Variants in RPTOR observed in about 807,000 individuals in gnomAD.
RPTOR encodes regulatory associated protein of MTOR complex 1.
A neutral mutation model predicts 169.9 loss-of-function variants in RPTOR; 21 were observed. The ratio of observed to expected loss-of-function variants is 0.12; its 90% CI spans 0.09 to 0.18. The LOEUF is 0.18. RPTOR is among the 10% of genes least tolerant of loss of function. RPTOR has a pLI of 1.00. For missense variants in RPTOR, 1,133 were observed against 1,855.9 expected (o/e 0.61, Z 7.16); for synonymous variants, 732 against 753.2 (o/e 0.97, Z 0.46).
At chr17:80,573,755 C>T (rs1288054554) in intron 1 of RPTOR, among the ~76,000 whole-genome samples, 4 of 152,140 alleles carry the variant, frequency 2.6e-5, no homozygotes, top group African/African-American at 7.2e-5. Flanking sequence ...GAGGAGCCAG[C>T]CGTGGTTTCA....
intron 3 of RPTOR, among the ~76,000 whole-genome samples, chr17:80,705,011 C>G (rs1304102209): frequency 6.6e-6 from 1 of 152,242 alleles, no homozygotes; most frequent in Non-Finnish European, 1.5e-5. Flanking sequence ...GCCAGTGATG[C>G]CCACCTATGG....
intron 16 of RPTOR, among the ~76,000 whole-genome samples, chr17:80,884,218 C>A (rs964142320): frequency 6.6e-6 from 1 of 152,174 alleles, no homozygotes; most frequent in Admixed American, 6.5e-5. Flanking sequence ...CCAGAGGGAA[C>A]CTCAGAGGCA....
chr17:80,798,731 A>C (rs990259229), intron 7 of RPTOR, among the ~76,000 whole-genome samples: 3 of 152,222 alleles, frequency 2.0e-5, no homozygotes, highest in Non-Finnish European at 4.4e-5. Flanking sequence ...CCCTCCAGGC[A>C]GCACGTGTGT....
intron 5 of RPTOR, among the ~76,000 whole-genome samples, chr17:80,740,522 A>G (rs2066472765): frequency 6.6e-6 from 1 of 152,248 alleles, no homozygotes; most frequent in Admixed American, 6.5e-5. Context: ...CAAAATCCTC[A>G]AAACAATAAT....
At chr17:80,699,804 C>CGGTAT (rs2066069054) in intron 3 of RPTOR, among the ~76,000 whole-genome samples, 1 of 148,558 alleles carries the variant, frequency 6.7e-6, no homozygotes, top group Non-Finnish European at 1.5e-5. Flanking sequence ...GTGCACGGTA[C>CGGTAT]CCTGGTGCAG....
At chr17:80,583,032 C>T (rs1599574225) in intron 1 of RPTOR, among the ~76,000 whole-genome samples, 1 of 151,586 alleles carries the variant, frequency 6.6e-6, no homozygotes, top group East Asian at 1.9e-4. Flanking sequence ...CCTCTCACTT[C>T]AGCCTCCTGA....
chr17:80,743,728 CAGCCCTGGCTACTAGCAG>C lies in RPTOR; in HGVS notation c.655-10264_655-10247del, dbSNP rs1333544680. On this transcript the variant is annotated intron_variant, in intron 5 of 33. Transcript: ENST00000306801. ...ACTAGCACTGTCCTGGCTACGAGCA[CAGCCCTGGCTACTAGCAG>C]AGCCCTGGCTACTAGCACTCTCCTG... Among the ~76,000 whole-genome samples, 7 of 121,852 alleles carry C rather than the reference CAGCCCTGGCTACTAGCAG, an allele frequency of 5.7e-5. 1 individual carries two copies. Among genetic ancestry groups the C allele is most frequent in the African/African-American group, 1.5e-4 (5 of 34,264 alleles). 79.9% of individuals were successfully genotyped at this position (121,852 alleles called of 152,430 possible). A position where few individuals can be genotyped will look rare whatever the true frequency, so the allele number is the denominator to read the frequency against.
rs921455642 is a variant in RPTOR at position 80,700,754 on chromosome 17, A to G, written c.349-7087A>G. ...GATGATGGTGGTGGTGGTGGTGGTGATGATGGTGATGGTGATGGTAGAGAT... is the reference window on the plus strand; with the variant it reads ...GATGATGGTGGTGGTGGTGGTGGTGGTGATGGTGATGGTGATGGTAGAGAT... On this transcript the variant is annotated intron_variant, in intron 3 of 33. Transcript: ENST00000306801. Among the ~76,000 whole-genome samples, 25 of 22,446 alleles carry G rather than the reference A, an allele frequency of 1.1e-3. 4 individuals carry two copies. In the East Asian group the frequency reaches 0.022, roughly 20 times the overall value. 14.7% of individuals were successfully genotyped at this position (22,446 alleles called of 152,430 possible).
At chr17:80,555,107 G>A (rs2084392752) in intron 1 of RPTOR, among the ~76,000 whole-genome samples, 1 of 152,200 alleles carries the variant, frequency 6.6e-6, no homozygotes, top group Non-Finnish European at 1.5e-5. Flanking sequence ...AGAGTTATTA[G>A]TGTAGTTAGA....
At chr17:80,880,380 C>T (rs752659783) in intron 13 of RPTOR, 35 bp from the exon 14 acceptor site, 6 of 1,587,432 alleles carry the variant, frequency 3.8e-6, no homozygotes, top group African/African-American at 1.3e-5. Flanking sequence ...CGGGACACTG[C>T]ACTCACTGCC....
intron 9 of RPTOR, 53 bp from the exon 10 acceptor site, chr17:80,837,869 C>A: frequency 6.5e-7 from 1 of 1,538,752 alleles, no homozygotes; most frequent in Non-Finnish European, 8.9e-7. Flanking sequence ...GAAGTGGCCT[C>A]GTGTGGAAGC....
intron 6 of RPTOR, among the ~76,000 whole-genome samples, chr17:80,768,126 T>G (rs2066806148): frequency 6.6e-6 from 1 of 152,174 alleles, no homozygotes; most frequent in Non-Finnish European, 1.5e-5. Flanking sequence ...CCTCCCAAAG[T>G]GCTGGGATTA....
At chr17:80,793,899 C>T (rs1021028329) in intron 7 of RPTOR, among the ~76,000 whole-genome samples, 2 of 152,228 alleles carry the variant, frequency 1.3e-5, no homozygotes, top group Admixed American at 6.5e-5. Context: ...CTGCCTGGTT[C>T]GGGCAGGGCT....
At chr17:80,890,406 C>T (rs892939076) in intron 17 of RPTOR, among the ~76,000 whole-genome samples, 5 of 152,178 alleles carry the variant, frequency 3.3e-5, no homozygotes, top group African/African-American at 9.7e-5. Context: ...GGGAAGGCAG[C>T]GGGGGTTCTG....
chr17:80,901,025 T>C (rs2143906799), intron 20 of RPTOR, among the ~76,000 whole-genome samples: 1 of 152,364 alleles, frequency 6.6e-6, no homozygotes. Flanking sequence ...TCCAGGTGGC[T>C]GAACTTGCTG....
intron 10 of RPTOR, among the ~76,000 whole-genome samples, chr17:80,839,240 G>A (rs1461027788): frequency 1.3e-5 from 2 of 152,208 alleles, no homozygotes; most frequent in African/African-American, 4.8e-5. Flanking sequence ...ATGTCCCACG[G>A]GTGGGATGAC....
intron 2 of RPTOR, among the ~76,000 whole-genome samples, chr17:80,634,118 CTGTGTG>C (rs67908395): frequency 7.3e-6 from 1 of 136,294 alleles, no homozygotes; most frequent in Non-Finnish European, 1.5e-5. Flanking sequence ...TGTGTGCATA[CTGTGTG>C]TGTGTGTGCA....
At chr17:80,552,069 C>T (rs1214413198) in intron 1 of RPTOR, among the ~76,000 whole-genome samples, 3 of 152,196 alleles carry the variant, frequency 2.0e-5, no homozygotes, top group Non-Finnish European at 2.9e-5. Context: ...TTAACAGAAT[C>T]TCAAGGCAGA....
intron 17 of RPTOR, among the ~76,000 whole-genome samples, chr17:80,890,811 G>T (rs1165439269): frequency 2.6e-5 from 4 of 152,110 alleles, no homozygotes; most frequent in African/African-American, 9.7e-5. Context: ...GAAAGTGCGT[G>T]TACAGAGAGT....
Sources: gnomAD v4.1 joint callset for allele counts (sites outside exome capture counted in the v4.1 genomes callset) on GRCh38, gnomAD v4.1.1 for gene constraint, MANE v1.5 for transcripts, NCBI Gene and HGNC (gene_info 2026-07-23, HGNC 2026-07-21) for gene names.